The following RYR3 variants were observed in gnomAD, a reference collection of about 807,000 sequenced individuals.
The protein encoded by RYR3 is brain ryanodine receptor-calcium release channel.
RYR3 carries 207 observed loss-of-function variants against 584.3 expected under a neutral mutation model. The observed-to-expected ratio is 0.35, with a 90% CI of 0.32 to 0.40. RYR3 has a LOEUF of 0.40. Ranked by LOEUF, RYR3 falls within the 10% of genes least tolerant of loss-of-function variation. RYR3 has a pLI of 1.00. For synonymous variants in RYR3, 2,416 were observed against 2,248.5 expected (o/e 1.07, Z -2.11); for missense variants, 5,616 against 6,089.2 (o/e 0.92, Z 2.59).
chr15:33,352,156 A>AT (rs886836917), intron 1 of RYR3, among the ~76,000 whole-genome samples: 1 of 152,034 alleles, frequency 6.6e-6, no homozygotes, highest in South Asian at 2.1e-4. Context: ...TTTTTAAATC[A>AT]TTTTTTTTAA....
intron 43 of RYR3, among the ~76,000 whole-genome samples, chr15:33,714,354 G>C (rs1320626829): frequency 6.6e-6 from 1 of 152,106 alleles, no homozygotes; most frequent in Non-Finnish European, 1.5e-5. Context: ...CTTAATGTTT[G>C]TAGTAAATCT....
chr15:33,436,729 C>T (rs967569443), intron 1 of RYR3, among the ~76,000 whole-genome samples: 1 of 152,038 alleles, frequency 6.6e-6, no homozygotes, highest in Non-Finnish European at 1.5e-5. Context: ...TGGTCTTGAA[C>T]TTCTGACCTT....
At chr15:33,353,318 C>G (rs1386518443) in intron 1 of RYR3, among the ~76,000 whole-genome samples, 1 of 152,108 alleles carries the variant, frequency 6.6e-6, no homozygotes, top group Non-Finnish European at 1.5e-5. Context: ...CTGGAGAGGT[C>G]ACCCTTGAAG....
At chr15:33,692,838 T>C (rs2065538217) in intron 38 of RYR3, among the ~76,000 whole-genome samples, 1 of 152,160 alleles carries the variant, frequency 6.6e-6, no homozygotes, top group African/African-American at 2.4e-5. Context: ...TTTGTTTGGA[T>C]TTTTGAGTCA....
In RYR3 at chr15:33,663,446, C is replaced by A. The variant is rs2063286314; in HGVS notation, c.5419-91C>A. On this transcript the variant is annotated intron_variant, in intron 35 of 103. Coordinates refer to ENST00000634891, the MANE Select transcript of RYR3 (RefSeq NM_001036.6). Reference sequence around the variant, plus strand: ...GCTACTGTGTGGCAATTTACTTTGTCTAAGTCTCAGTGCTACTGTCTGTAA... The same window carrying A: ...GCTACTGTGTGGCAATTTACTTTGTATAAGTCTCAGTGCTACTGTCTGTAA... The A allele has an allele frequency of 2.7e-6, 3 of 1,105,788 alleles. No individual in the cohort carries two copies. The African/African-American group carries it at 4.6e-5, about 17-fold the overall frequency. The allele number at this position is 1,105,788 out of a possible 1,614,324, so 68.5% of individuals were successfully genotyped here.
intron 81 of RYR3, 136 bp from the exon 82 acceptor site, chr15:33,825,467 A>G: frequency 1.7e-6 from 1 of 582,016 alleles, no homozygotes; most frequent in Non-Finnish European, 3.0e-6. Flanking sequence ...TAGACTTGCA[A>G]CCACCCTGGA....
intron 45 of RYR3, among the ~76,000 whole-genome samples, chr15:33,725,976 C>CCCCCCCAAAAA (rs1555427643): frequency 3.2e-5 from 1 of 31,516 alleles, no homozygotes; most frequent in African/African-American, 1.1e-4. Context: ...TCCCCCCCCC[C>CCCCCCCAAAAA]AAAAAAAAAA....
chr15:33,833,600 T>G (rs1423224138), intron 86 of RYR3, among the ~76,000 whole-genome samples: 8 of 152,238 alleles, frequency 5.3e-5, no homozygotes, highest in Non-Finnish European at 1.2e-4. Flanking sequence ...AGCATCTGAT[T>G]TGATCTCTGC....
chr15:33,741,696 C>T (rs560876831), intron 51 of RYR3, among the ~76,000 whole-genome samples: 44 of 152,284 alleles, frequency 2.9e-4, no homozygotes, highest in African/African-American at 9.9e-4. Flanking sequence ...TCACTGCAAG[C>T]TCCACCTCCT....
intron 84 of RYR3, among the ~76,000 whole-genome samples, chr15:33,826,992 G>A (rs2077409295): frequency 6.6e-6 from 1 of 152,206 alleles, no homozygotes; most frequent in African/African-American, 2.4e-5. Flanking sequence ...CTAGCCCCTT[G>A]GGGCTCGTTA....
intron 36 of RYR3, among the ~76,000 whole-genome samples, chr15:33,667,226 A>C (rs1566913325): frequency 6.6e-6 from 1 of 152,158 alleles, no homozygotes; most frequent in Admixed American, 6.5e-5. Context: ...AAACAAAAGG[A>C]GTTTGGGTTA....
intron 4 of RYR3, among the ~76,000 whole-genome samples, chr15:33,531,885 A>G (rs2054906735): frequency 6.6e-6 from 1 of 152,158 alleles, no homozygotes; most frequent in Admixed American, 6.5e-5. Flanking sequence ...AAACTCCAAC[A>G]CTTGTCTTTA....
intron 1 of RYR3, among the ~76,000 whole-genome samples, chr15:33,376,702 T>C (rs765436328): frequency 3.9e-5 from 6 of 152,206 alleles, no homozygotes; most frequent in Non-Finnish European, 7.3e-5. Context: ...ACTTCATCTG[T>C]CTAAGGTCAC....
At chr15:33,461,807 C>T (rs1485951064) in intron 1 of RYR3, among the ~76,000 whole-genome samples, 1 of 152,158 alleles carries the variant, frequency 6.6e-6, no homozygotes, top group African/African-American at 2.4e-5. Context: ...TGAATTATGT[C>T]ACCATTTCTG....
At chr15:33,413,135 A>G (rs765042533) in intron 1 of RYR3, among the ~76,000 whole-genome samples, 39 of 152,226 alleles carry the variant, frequency 2.6e-4, no homozygotes, top group Non-Finnish European at 4.7e-4. Flanking sequence ...TCTGGCATGT[A>G]TGCTTCTAGG....
chr15:33,715,949 C>T (rs2067459505), intron 43 of RYR3, among the ~76,000 whole-genome samples: 1 of 152,128 alleles, frequency 6.6e-6, no homozygotes, highest in Admixed American at 6.5e-5. Context: ...AATTCTCATC[C>T]CGAATGTTGG....
rs752625387 is a variant in RYR3, at chr15:33,750,242, G to A, written c.8355G>A (p.Gln2785=). The A allele has an allele frequency of 1.9e-6, 3 of 1,610,426 alleles. No individual in the cohort carries two copies. In the East Asian group the frequency reaches 6.7e-5, roughly 36 times the overall value. ...KEKFKDREKA[Q]DLFKFLQVNG... is the part of the protein sequence containing the mutation. ...AGTTCAAGGACCGGGAGAAGGCACAGGACCTGTTTAAGTTCCTCCAAGTGA... is the reference window on the plus strand; with the variant it reads ...AGTTCAAGGACCGGGAGAAGGCACAAGACCTGTTTAAGTTCCTCCAAGTGA... The change falls in exon 57 of 104, where the codon CAG becomes CAA. Residue 2785 remains glutamine (Q), a synonymous_variant. Coordinates refer to ENST00000634891, the MANE Select transcript of RYR3 (RefSeq NM_001036.6).
rs8029532 is a variant in RYR3 at position 33,329,885 on chromosome 15, G to C, written c.51+18789G>C. On this transcript the variant is annotated intron_variant, in intron 1 of 103. Transcript: ENST00000634891. Reference sequence around the variant, plus strand: ...GTCTGTGGCAATGTAATGCCAAGGAGATAGTCATCAAAATACAGGAAATGG... The same window carrying C: ...GTCTGTGGCAATGTAATGCCAAGGACATAGTCATCAAAATACAGGAAATGG... Among the ~76,000 whole-genome samples the C allele has an allele frequency of 5.7e-3, 863 of 152,274 alleles. 11 individuals are homozygous for C. Among genetic ancestry groups the C allele is most frequent in the African/African-American group, 0.02 (816 of 41,558 alleles).
intron 2 of RYR3, among the ~76,000 whole-genome samples, chr15:33,489,782 T>C (rs748731864): frequency 6.6e-6 from 1 of 152,236 alleles, no homozygotes; most frequent in Non-Finnish European, 1.5e-5. Flanking sequence ...ACCATGCTGC[T>C]TTCCACAACA....
Sources: allele counts gnomAD v4.1 joint callset (sites outside exome capture counted in the v4.1 genomes callset), GRCh38; gene constraint gnomAD v4.1.1; transcripts MANE v1.5; gene names NCBI Gene and HGNC (gene_info 2026-07-23, HGNC 2026-07-21).